Variants in COL22A1 observed in about 807,000 individuals in gnomAD.
COL22A1 encodes the protein collagen type XXII alpha 1 chain.
Under a neutral mutation model 248.9 loss-of-function variants are expected in COL22A1, and 221 were observed. The ratio of observed to expected loss-of-function variants is 0.89; its 90% CI spans 0.80 to 0.99. COL22A1 has a LOEUF of 0.99. Among genes scored for constraint, COL22A1 ranks in the 50% least tolerant of loss-of-function variants. The probability of loss-of-function intolerance (pLI) is 0.00; values close to 1 mark genes in which losing one functional copy is unlikely to be tolerated. For missense variants in COL22A1, 2,240 were observed against 2,179.0 expected (o/e 1.03, Z -0.56); for synonymous variants, 891 against 793.4 (o/e 1.12, Z -2.07).
chr8:138,721,980 C>T, intron 26 of COL22A1, 56 bp downstream of exon 26: 3 of 1,314,518 alleles, frequency 2.3e-6, no homozygotes, highest in Non-Finnish European at 3.2e-6. Context: ...TCAAGCATCT[C>T]TTTAGTTTCT....
intron 1 of COL22A1, among the ~76,000 whole-genome samples, chr8:138,893,330 A>G (rs1354042608): frequency 6.6e-6 from 1 of 152,256 alleles, no homozygotes; most frequent in East Asian, 1.9e-4. Context: ...GCTGCTTACT[A>G]GCTGTGCAAA....
intron 45 of COL22A1, among the ~76,000 whole-genome samples, chr8:138,652,120 G>A (rs1038885627): frequency 2.0e-5 from 3 of 152,156 alleles, no homozygotes; most frequent in Admixed American, 1.3e-4. Context: ...GAGCTCCTGG[G>A]AGCCCCCCGA....
intron 3 of COL22A1, among the ~76,000 whole-genome samples, chr8:138,867,099 T>C (rs1352266625): frequency 1.3e-5 from 2 of 152,204 alleles, no homozygotes; most frequent in Non-Finnish European, 2.9e-5. Context: ...CTTTGGATCA[T>C]GCGTCTCTGT....
rs781594046 is a variant in COL22A1 at position 138,821,216 on chromosome 8, G to A, written c.1165C>T (p.Pro389Ser). 6.2e-7 allele frequency: 1 copy of A among 1,614,188 alleles called. No homozygotes were observed. The highest frequency in any genetic ancestry group is 1.1e-5 in the South Asian group (1 of 91,076). The change falls in exon 7 of 65, where the codon CCC (proline) becomes TCC (serine). Residue 389 changes from proline to serine, a missense_variant. Coordinates refer to ENST00000303045, the MANE Select transcript of COL22A1 (RefSeq NM_152888.3). ...TCAATGTTCTCCCGTTCCTCGATGG[G>A]TAGTGTCTGCACCAGCGCACAGTCA... ...HIDCALVQTL[P>S]IEERENIDIQ...
chr8:138,672,695 G>A (rs571517251), intron 41 of COL22A1, among the ~76,000 whole-genome samples: 1 of 152,346 alleles, frequency 6.6e-6, no homozygotes, highest in East Asian at 1.9e-4. Flanking sequence ...AAACAGGATT[G>A]CTATGACATC....
At chr8:138,626,304 G>T (rs936397876) in intron 50 of COL22A1, 61 bp from the exon 51 acceptor site, 3 of 1,333,408 alleles carry the variant, frequency 2.2e-6, no homozygotes, top group South Asian at 1.2e-5. Context: ...GGAAGTAAAT[G>T]ACTTCACAAG....
At chr8:138,597,871 C>T (rs1817667621) in intron 61 of COL22A1, among the ~76,000 whole-genome samples, 1 of 152,214 alleles carries the variant, frequency 6.6e-6, no homozygotes, top group African/African-American at 2.4e-5. Flanking sequence ...TCTCCACTGA[C>T]TTGGCCAAGA....
chr8:138,640,241 C>G (rs1274688408), intron 47 of COL22A1, among the ~76,000 whole-genome samples: 1 of 152,072 alleles, frequency 6.6e-6, no homozygotes, highest in Non-Finnish European at 1.5e-5. Flanking sequence ...TTACATTTTT[C>G]CAGAACCATC....
chr8:138,854,063 G>A (rs1223317225), intron 3 of COL22A1, among the ~76,000 whole-genome samples: 1 of 152,230 alleles, frequency 6.6e-6, no homozygotes, highest in Non-Finnish European at 1.5e-5. Context: ...GATGGTGGCT[G>A]TGACTGTCAC....
rs549935252 is a variant in COL22A1 at position 138,594,787 on chromosome 8, A to G, written c.4433-588T>C. Among the ~76,000 whole-genome samples, 193 of 152,244 alleles carry G rather than the reference A, an allele frequency of 1.3e-3. 1 individual carries two copies. The highest frequency in any genetic ancestry group is 2.2e-3 in the Non-Finnish European group (151 of 68,006). On this transcript the variant is annotated intron_variant, in intron 62 of 64. Transcript: ENST00000303045. ...GCAATTGCAATGGTCAGTTGGGGAAACTGATGCTGGGGTGGAGGAGGTAAA... is the reference window on the plus strand; with the variant it reads ...GCAATTGCAATGGTCAGTTGGGGAAGCTGATGCTGGGGTGGAGGAGGTAAA...
intron 23 of COL22A1, 26 bp downstream of exon 23, chr8:138,737,498 T>A: frequency 1.3e-6 from 2 of 1,549,086 alleles, no homozygotes; most frequent in Non-Finnish European, 1.8e-6. Context: ...AGCGTTGCTA[T>A]GGAAGAGAAT....
chr8:138,594,339 A>T, intron 62 of COL22A1, 140 bp from the exon 63 acceptor site: 1 of 625,832 alleles, frequency 1.6e-6, no homozygotes. Flanking sequence ...CTACTCACTG[A>T]CAACTCAGAA....
intron 30 of COL22A1, among the ~76,000 whole-genome samples, chr8:138,707,556 T>C (rs1488459984): frequency 6.6e-6 from 1 of 152,224 alleles, no homozygotes; most frequent in Non-Finnish European, 1.5e-5. Flanking sequence ...TGTCAATAGA[T>C]GCAGAAAAGG....
intron 47 of COL22A1, among the ~76,000 whole-genome samples, chr8:138,643,647 T>TAGATAGATAGATAGACAGACAGAC (rs568597361): frequency 3.0e-4 from 8 of 26,594 alleles, no homozygotes; most frequent in African/African-American, 4.7e-4. Context: ...GATAGATAGA[T>TAGATAGATAGATAGACAGACAGAC]AGACAGATAG....
chr8:138,630,489 A>T (rs1820612918), intron 50 of COL22A1, among the ~76,000 whole-genome samples: 1 of 152,104 alleles, frequency 6.6e-6, no homozygotes, highest in African/African-American at 2.4e-5. Flanking sequence ...TTCCAACCAA[A>T]CCTTTACTTT....
At position 138,722,024 on chromosome 8, in the gene COL22A1, T is replaced by A. The variant is rs780879701; in HGVS notation, c.2301+12A>T. ...GGTTCCCAAACTGGTGCCAACCGCA[T>A]CAGTGACCAACCTTGGTTCCTGGCG... On this transcript the variant is annotated intron_variant, in intron 26 of 64. Coordinates refer to ENST00000303045, the MANE Select transcript of COL22A1 (RefSeq NM_152888.3). 1.3e-6 allele frequency: 2 copies of A among 1,566,658 alleles called. No homozygotes were observed. The highest frequency in any genetic ancestry group is 4.6e-5 in the East Asian group (2 of 43,098).
chr8:138,805,485 A>ATGTGATGGTGTGTGTGATGGTGTGTGTG (rs557495589), intron 10 of COL22A1, among the ~76,000 whole-genome samples: 1 of 111,006 alleles, frequency 9.0e-6, no homozygotes, highest in Non-Finnish European at 1.8e-5. Context: ...ATGGGATGGC[A>ATGTGATGGTGTGTGTGATGGTGTGTGTG]TGTGATGGTG....
At chr8:138,821,514 A>T in intron 6 of COL22A1, 103 bp from the exon 7 acceptor site, 2 of 1,204,418 alleles carry the variant, frequency 1.7e-6, no homozygotes, top group East Asian at 2.4e-5. Context: ...ATCCTGAGTC[A>T]ATCCTGGCTG....
At chr8:138,901,362 TTTTTTTG>T (rs1278969910) in intron 1 of COL22A1, among the ~76,000 whole-genome samples, 1 of 95,478 alleles carries the variant, frequency 1.0e-5, no homozygotes. Flanking sequence ...TGGCAGGTTT[TTTTTTTG>T]TTTTTTTTTT....
Sources: allele counts gnomAD v4.1 joint callset (sites outside exome capture counted in the v4.1 genomes callset), GRCh38; gene constraint gnomAD v4.1.1; transcripts MANE v1.5; gene names NCBI Gene and HGNC (gene_info 2026-07-23, HGNC 2026-07-21).